ADK: variants seen among roughly 807,000 people sequenced by gnomAD.
The protein encoded by ADK is N6,N6-dimethyladenosine kinase.
ADK carries 24 observed loss-of-function variants against 44.7 expected under a neutral mutation model. That is an observed-to-expected ratio of 0.54 (90% CI 0.39 to 0.76). ADK has a LOEUF of 0.76. ADK is among the 30% of genes least tolerant of loss of function. The probability of loss-of-function intolerance (pLI) is 0.00; values close to 1 mark genes in which losing one functional copy is unlikely to be tolerated. For synonymous variants in ADK, 128 were observed against 142.6 expected (o/e 0.90, Z 0.73); for missense variants, 321 against 425.1 (o/e 0.76, Z 2.15).
At chr10:74,605,792 G>A (rs1484008819) in intron 9 of ADK, among the ~76,000 whole-genome samples, 1 of 152,096 alleles carries the variant, frequency 6.6e-6, no homozygotes, top group Admixed American at 6.5e-5. Flanking sequence ...TTTTTCTATT[G>A]TTTGGAATAG....
At chr10:74,188,863 C>G (rs868732638) in intron 1 of ADK, among the ~76,000 whole-genome samples, 3 of 152,122 alleles carry the variant, frequency 2.0e-5, no homozygotes, top group Admixed American at 6.5e-5. Context: ...ACCTTCGCCT[C>G]CCAGGTTCAA....
chr10:74,466,541 A>C (rs1233723731), intron 6 of ADK, among the ~76,000 whole-genome samples: 1 of 152,178 alleles, frequency 6.6e-6, no homozygotes, highest in Admixed American at 6.5e-5. Context: ...GAATTCATAC[A>C]CAGGAACTGC....
chr10:74,683,223 T>A (rs1372086832), intron 10 of ADK, among the ~76,000 whole-genome samples: 1 of 152,128 alleles, frequency 6.6e-6, no homozygotes, highest in Non-Finnish European at 1.5e-5. Flanking sequence ...AACATCTAAG[T>A]AAGTGAGGGG....
Position 74,353,265 on chromosome 10 carries a change from G to C in ADK, c.273+38520G>C, listed in dbSNP as rs567692446. On this transcript the variant is annotated intron_variant, in intron 4 of 10. Coordinates refer to ENST00000539909, the MANE Select transcript of ADK (RefSeq NM_006721.4). ...GAGTTCATGTCCTTTGCAGGGACAT[G>C]ATGAAGCTGGAAACCATCATTTTTA... is the stretch of plus-strand genomic sequence containing the variant. Among the ~76,000 whole-genome samples, 6 of 152,246 alleles carry C rather than the reference G, an allele frequency of 3.9e-5. No homozygotes were observed. In the South Asian group the frequency reaches 1.0e-3, roughly 26 times the overall value.
chr10:74,535,646 C>T (rs1010135709), intron 7 of ADK, among the ~76,000 whole-genome samples: 1 of 149,586 alleles, frequency 6.7e-6, no homozygotes, highest in Admixed American at 6.7e-5. Context: ...GCAGTGGCAC[C>T]ATCACAGCTC....
chr10:74,412,839 C>A (rs962188303), intron 6 of ADK, among the ~76,000 whole-genome samples: 3 of 152,136 alleles, frequency 2.0e-5, no homozygotes, highest in African/African-American at 7.2e-5. Flanking sequence ...GGGAGGATCA[C>A]CTGAGGTCAG....
intron 3 of ADK, among the ~76,000 whole-genome samples, chr10:74,310,783 CTG>C (rs1840408055): frequency 6.6e-6 from 1 of 152,002 alleles, no homozygotes; most frequent in Non-Finnish European, 1.5e-5. Flanking sequence ...GCATTTTAGT[CTG>C]TGTTTAACTG....
At chr10:74,359,430 C>T (rs530823582) in intron 4 of ADK, among the ~76,000 whole-genome samples, 237 of 152,174 alleles carry the variant, frequency 1.6e-3, no homozygotes, top group Middle Eastern at 3.4e-3. Flanking sequence ...TTAACAAGGC[C>T]GAGCATGGTG....
At chr10:74,605,322 G>A (rs899804629) in intron 9 of ADK, among the ~76,000 whole-genome samples, 4 of 152,064 alleles carry the variant, frequency 2.6e-5, no homozygotes, top group South Asian at 2.1e-4. Flanking sequence ...GTCTTGTGCC[G>A]GTTTTCAAAG....
intron 9 of ADK, among the ~76,000 whole-genome samples, chr10:74,647,222 A>G (rs11001092): frequency 0.23 from 35,471 of 152,022 alleles, 5,289 homozygotes; most frequent in East Asian, 0.69. Flanking sequence ...TAAATTGGAG[A>G]AGGAAGGAAA....
chr10:74,592,752 A>G (rs899667887), intron 8 of ADK, among the ~76,000 whole-genome samples: 10 of 152,188 alleles, frequency 6.6e-5, no homozygotes, highest in African/African-American at 9.7e-5. Context: ...ACTGAAAGAG[A>G]AAAGTATGGA....
At position 74,262,139 on chromosome 10, in the gene ADK, C is replaced by T. The variant is rs181526874; in HGVS notation, c.194+37548C>T. On this transcript the variant is annotated intron_variant, in intron 3 of 10. Transcript: ENST00000539909. ...TTCAAGACCAGCCTGGCCAACATGG[C>T]GAAACCCTGTGTCTACTAAAAGTAC... is the stretch of plus-strand genomic sequence containing the variant. Among the ~76,000 whole-genome samples the T allele has an allele frequency of 4.9e-3, 746 of 151,874 alleles. 4 individuals are homozygous for T. The highest frequency in any genetic ancestry group is 0.017 in the African/African-American group (698 of 41,414).
chr10:74,319,883 A>T (rs1255055862), intron 4 of ADK, among the ~76,000 whole-genome samples: 1 of 152,116 alleles, frequency 6.6e-6, no homozygotes, highest in Non-Finnish European at 1.5e-5. Context: ...TCCTCTTCTT[A>T]TATATTATTA....
intron 3 of ADK, among the ~76,000 whole-genome samples, chr10:74,260,839 T>A (rs1354404986): frequency 6.6e-6 from 1 of 152,216 alleles, no homozygotes; most frequent in Admixed American, 6.5e-5. Flanking sequence ...TAAAAACTGA[T>A]TAGTGCCAAA....
intron 4 of ADK, among the ~76,000 whole-genome samples, chr10:74,329,913 G>A (rs1841159732): frequency 6.6e-6 from 1 of 152,006 alleles, no homozygotes; most frequent in Non-Finnish European, 1.5e-5. Flanking sequence ...TATAATCCCA[G>A]CACTTTGAGA....
At chr10:74,505,542 T>G (rs560144920) in intron 6 of ADK, among the ~76,000 whole-genome samples, 6 of 149,266 alleles carry the variant, frequency 4.0e-5, no homozygotes, top group Non-Finnish European at 8.9e-5. Flanking sequence ...TTTTGCCATA[T>G]CCACAGTCTC....
chr10:74,151,463 G>C, intron 1 of ADK, 120 bp downstream of exon 1: 3 of 1,101,202 alleles, frequency 2.7e-6, no homozygotes, highest in Non-Finnish European at 4.0e-6. Context: ...GGGCCAACAC[G>C]CAGGACCTCC....
chr10:74,605,874 G>C (rs1173312778), intron 9 of ADK, among the ~76,000 whole-genome samples: 1 of 152,012 alleles, frequency 6.6e-6, no homozygotes, highest in Non-Finnish European at 1.5e-5. Flanking sequence ...TCTGCTCCTG[G>C]GCTTTTTTTG....
Position 74,637,962 on chromosome 10 carries a change from A to T in ADK, c.878-32221A>T, listed in dbSNP as rs75867612. Among the ~76,000 whole-genome samples the T allele has an allele frequency of 3.9e-3, 595 of 152,332 alleles. 3 individuals are homozygous for T. The highest frequency in any genetic ancestry group is 0.013 in the African/African-American group (555 of 41,576). ...AAATAGTGCAGTTTATTGTATGTCA[A>T]TCATGCTTCGATAAAGATGTTAGCA... is the stretch of plus-strand genomic sequence containing the variant. On this transcript the variant is annotated intron_variant, in intron 9 of 10. Transcript: ENST00000539909.
Sources: gnomAD v4.1 joint callset for allele counts (sites outside exome capture counted in the v4.1 genomes callset) on GRCh38, gnomAD v4.1.1 for gene constraint, MANE v1.5 for transcripts, NCBI Gene and HGNC (gene_info 2026-07-23, HGNC 2026-07-21) for gene names.